The following PKHD1L1 variants were observed in gnomAD, a reference collection of about 807,000 sequenced individuals.
The protein encoded by PKHD1L1 is PKHD1 like 1.
Under a neutral mutation model 462.9 loss-of-function variants are expected in PKHD1L1, and 434 were observed. The ratio of observed to expected loss-of-function variants is 0.94; its 90% confidence interval spans 0.87 to 1.02. PKHD1L1 has a LOEUF of 1.02. PKHD1L1 is among the 50% of genes least tolerant of loss of function. The probability of loss-of-function intolerance (pLI) is 0.00; values close to 1 mark genes in which losing one functional copy is unlikely to be tolerated. For synonymous variants in PKHD1L1, 1,781 were observed against 1,750.0 expected (o/e 1.02, Z -0.44); for missense variants, 5,202 against 5,096.1 (o/e 1.02, Z -0.63).
rs753724571 is a variant in PKHD1L1, at chr8:109,522,722, T to C, written c.12184-22T>C. ...GTGTAGTTTATCATGAAGAAACCAG[T>C]TCATCCCTTGTGCATTCACAGGTGA... On this transcript the variant is annotated intron_variant, in intron 74 of 77. Coordinates refer to ENST00000378402, the MANE Select transcript of PKHD1L1 (RefSeq NM_177531.6). The C allele has an allele frequency of 2.5e-6, 4 of 1,594,474 alleles. No homozygotes were observed. The South Asian group carries it at 4.6e-5, about 18-fold the overall frequency.
intron 9 of PKHD1L1, among the ~76,000 whole-genome samples, chr8:109,390,777 T>C (rs998903919): frequency 6.6e-6 from 1 of 152,140 alleles, no homozygotes; most frequent in Non-Finnish European, 1.5e-5. Flanking sequence ...TCTGATTTAA[T>C]TGTAACTTTT....
intron 73 of PKHD1L1, among the ~76,000 whole-genome samples, chr8:109,520,390 G>C (rs1820489277): frequency 6.6e-6 from 1 of 152,054 alleles, no homozygotes; most frequent in Non-Finnish European, 1.5e-5. Flanking sequence ...CTAGCCACTA[G>C]ATATCCAAAG....
chr8:109,382,114 T>C (rs1037015101), intron 3 of PKHD1L1, among the ~76,000 whole-genome samples: 1 of 152,176 alleles, frequency 6.6e-6, no homozygotes, highest in African/African-American at 2.4e-5. Flanking sequence ...ACTAGTCCTT[T>C]TTAGGAAACA....
At chr8:109,486,980 T>G (rs544559246) in intron 59 of PKHD1L1, among the ~76,000 whole-genome samples, 159 bp downstream of exon 59, 1 of 152,106 alleles carries the variant, frequency 6.6e-6, no homozygotes, top group East Asian at 1.9e-4. Context: ...TCCAAGTAAA[T>G]TCTCTTAAAT....
intron 72 of PKHD1L1, 97 bp downstream of exon 72, chr8:109,515,402 AATG>A (rs1820218914): frequency 1.1e-6 from 1 of 939,158 alleles, no homozygotes; most frequent in African/African-American, 2.0e-5. Context: ...CTTATCTATC[AATG>A]ATGGAGAAGA....
At chr8:109,379,343 T>TA (rs1383609904) in intron 2 of PKHD1L1, among the ~76,000 whole-genome samples, 1 of 152,190 alleles carries the variant, frequency 6.6e-6, no homozygotes, top group East Asian at 1.9e-4. Flanking sequence ...GAGAGCCTGA[T>TA]ATACTGCCAT....
In PKHD1L1 at chr8:109,464,892, G is replaced by A; in HGVS notation, c.8060G>A (p.Arg2687Lys). The change falls in exon 49 of 78, where the codon AGG becomes AAG. Residue 2687 changes from arginine to lysine, a missense_variant. Arg to Lys is a conservative substitution (Grantham distance 26). Coordinates refer to ENST00000378402, the MANE Select transcript of PKHD1L1 (RefSeq NM_177531.6). ...TATGAGGCTGGAATTGAGACTAAGA[G>A]GATCCTGGCTCCTTATGTTGGAGGG... ...NNYEAGIETKRILAPYVGGWG... is the reference protein window; with the variant it reads ...NNYEAGIETKKILAPYVGGWG... 1.2e-6 allele frequency: 2 copies of A among 1,613,824 alleles called. No homozygotes were observed. Among genetic ancestry groups the A allele is most frequent in the Non-Finnish European group, 1.7e-6 (2 of 1,179,808 alleles).
At chr8:109,432,189 A>G (rs1437966174) in intron 27 of PKHD1L1, among the ~76,000 whole-genome samples, 1 of 152,090 alleles carries the variant, frequency 6.6e-6, no homozygotes, top group East Asian at 1.9e-4. Flanking sequence ...TTTTATGTTT[A>G]CCAATCCTTT....
chr8:109,476,282 G>GGA (rs141699544), intron 51 of PKHD1L1, among the ~76,000 whole-genome samples: 3 of 151,068 alleles, frequency 2.0e-5, no homozygotes, highest in South Asian at 4.2e-4. Context: ...CACACACACA[G>GGA]GAGAGAGAGA....
At chr8:109,469,963 A>G (rs1406693472) in intron 50 of PKHD1L1, among the ~76,000 whole-genome samples, 1 of 152,178 alleles carries the variant, frequency 6.6e-6, no homozygotes, top group Non-Finnish European at 1.5e-5. Context: ...TGTATCATAG[A>G]ATAGTTTCTT....
chr8:109,528,331 G>A (rs1322979177), intron 77 of PKHD1L1, among the ~76,000 whole-genome samples: 1 of 152,162 alleles, frequency 6.6e-6, no homozygotes, highest in Non-Finnish European at 1.5e-5. Context: ...TAATGCCAGT[G>A]CCATTTTTGC....
intron 59 of PKHD1L1, among the ~76,000 whole-genome samples, chr8:109,488,633 C>T (rs1337578926): frequency 1.3e-5 from 2 of 151,936 alleles, no homozygotes; most frequent in Non-Finnish European, 2.9e-5. Context: ...CTGCCTATTT[C>T]GTTTTGCAAC....
In PKHD1L1 at chr8:109,442,144, G is replaced by C. The variant is rs138118364; in HGVS notation, c.4342G>C (p.Val1448Leu). The change falls in exon 35 of 78, where the codon GTA becomes CTA. Residue 1448 changes from valine (V) to leucine (L), a missense_variant. Val to Leu is a conservative substitution (Grantham distance 32). Coordinates refer to ENST00000378402, the MANE Select transcript of PKHD1L1 (RefSeq NM_177531.6). ...TTTTTCTGTCTCCAGTCCTGGAAGT[G>C]TAATTTATGATGGCAAAGGATTCAC... ...RIFSVSSPGS[V>L]IYDGKGFTSG... is the part of the protein sequence containing the mutation. 2.5e-6 allele frequency: 4 copies of C among 1,613,238 alleles called. No individual in the cohort carries two copies. Among genetic ancestry groups the C allele is most frequent in the Non-Finnish European group, 3.4e-6 (4 of 1,179,522 alleles).
chr8:109,465,471 T>C (rs1296928440), intron 49 of PKHD1L1, among the ~76,000 whole-genome samples: 3 of 152,190 alleles, frequency 2.0e-5, no homozygotes, highest in Non-Finnish European at 4.4e-5. Flanking sequence ...CTTTTTCTCC[T>C]GCATTGGCAC....
Position 109,456,342 on chromosome 8 carries a change from G to A in PKHD1L1, c.6955G>A (p.Val2319Ile). Residue 2319 changes from valine to isoleucine, a missense_variant, in exon 46 of 78, where the codon GTA becomes ATA. Val to Ile is a conservative substitution (Grantham distance 29). This residue lies in a region of PKHD1L1 where 4,497 missense variants were observed against 4,336.8 expected (regional missense o/e 1.04). Transcript: ENST00000378402. ...AAGAATTTTAATTTTACAAGAAGCA[G>A]TAACATGGAAACCAGGAGATAACAT... is the stretch of plus-strand genomic sequence containing the variant. The part of the protein sequence containing the change: ...GERILILQEA[V>I]TWKPGDNIVI... 3.7e-6 allele frequency: 6 copies of A among 1,611,062 alleles called. No homozygotes were observed. The highest frequency in any genetic ancestry group is 4.2e-6 in the Non-Finnish European group (5 of 1,178,462).
chr8:109,478,147 T>C (rs1054825848), intron 53 of PKHD1L1, among the ~76,000 whole-genome samples: 3 of 152,162 alleles, frequency 2.0e-5, no homozygotes, highest in African/African-American at 7.2e-5. Context: ...GTGTAACAAG[T>C]ACAACTCAAT....
At chr8:109,524,749 G>T (rs1820728270) in intron 76 of PKHD1L1, among the ~76,000 whole-genome samples, 1 of 152,006 alleles carries the variant, frequency 6.6e-6, no homozygotes. Context: ...AAGGAGAAAT[G>T]CCAGTGCTCT....
chr8:109,402,774 T>G (rs1440828240), intron 14 of PKHD1L1, among the ~76,000 whole-genome samples: 7 of 152,114 alleles, frequency 4.6e-5, no homozygotes, highest in Non-Finnish European at 8.8e-5. Flanking sequence ...AGAGGCAGCA[T>G]CATGAGGATC....
At chr8:109,437,414 A>G (rs917640802) in intron 30 of PKHD1L1, among the ~76,000 whole-genome samples, 4 of 151,960 alleles carry the variant, frequency 2.6e-5, no homozygotes, top group Admixed American at 6.5e-5. Context: ...ACATATGTAT[A>G]CATGTGCCAT....
Sources: allele counts gnomAD v4.1 joint callset (sites outside exome capture counted in the v4.1 genomes callset), GRCh38; gene constraint gnomAD v4.1.1; regional missense constraint gnomAD v4.1.1; transcripts MANE v1.5; gene names NCBI Gene and HGNC (gene_info 2026-07-23, HGNC 2026-07-21).